PRKG1: variants seen among roughly 807,000 people sequenced by gnomAD.
PRKG1 encodes the protein protein kinase cGMP-dependent 1.
PRKG1 carries 35 observed loss-of-function variants against 88.1 expected under a neutral mutation model. The ratio of observed to expected loss-of-function variants is 0.40; its 90% confidence interval spans 0.30 to 0.53. The LOEUF (loss-of-function observed/expected upper bound fraction) is 0.53, where lower values mean the gene tolerates loss of function less well. Among genes scored for constraint, PRKG1 ranks in the 20% least tolerant of loss-of-function variants. The pLI is 0.59. For synonymous variants in PRKG1, 303 were observed against 292.5 expected, an observed-to-expected ratio of 1.04 and a Z score of -0.37; for missense variants, 540 against 839.8, an observed-to-expected ratio of 0.64 and a Z score of 4.41.
At chr10:51,685,084 A>G (rs980845196) in intron 3 of PRKG1, among the ~76,000 whole-genome samples, 4 of 152,194 alleles carry the variant, frequency 2.6e-5, no homozygotes, top group African/African-American at 4.8e-5. Context: ...CACATGTTCT[A>G]GACCTGTAAT....
At chr10:51,725,030 G>A (rs1312906422) in intron 3 of PRKG1, among the ~76,000 whole-genome samples, 1 of 151,896 alleles carries the variant, frequency 6.6e-6, no homozygotes, top group African/African-American at 2.4e-5. Context: ...TTTAATGACT[G>A]GAAAAAATCA....
chr10:52,015,105 CTG>C (rs1237933902), intron 5 of PRKG1, among the ~76,000 whole-genome samples: 6 of 152,206 alleles, frequency 3.9e-5, no homozygotes, highest in Non-Finnish European at 7.4e-5. Context: ...AATGGGGACT[CTG>C]TGTGGGGGCT....
intron 3 of PRKG1, among the ~76,000 whole-genome samples, chr10:51,510,945 G>T (rs1841383033): frequency 6.6e-6 from 1 of 151,076 alleles, no homozygotes; most frequent in Non-Finnish European, 1.5e-5. Flanking sequence ...TAGAGACGGG[G>T]TTTTTACTAT....
At chr10:51,474,260 C>G (rs1840132334) in intron 3 of PRKG1, among the ~76,000 whole-genome samples, 1 of 151,956 alleles carries the variant, frequency 6.6e-6, no homozygotes, top group South Asian at 2.1e-4. Flanking sequence ...TGCTATATTG[C>G]TCTACTATCA....
At chr10:52,165,344 A>C (rs966660764) in intron 9 of PRKG1, among the ~76,000 whole-genome samples, 1 of 152,114 alleles carries the variant, frequency 6.6e-6, no homozygotes, top group Non-Finnish European at 1.5e-5. Flanking sequence ...TTAAAACTCT[A>C]TTTGAATTAG....
intron 1 of PRKG1, among the ~76,000 whole-genome samples, chr10:51,035,163 T>A (rs1444642902): frequency 3.3e-5 from 5 of 152,276 alleles, no homozygotes; most frequent in African/African-American, 1.2e-4. Context: ...CCCTTATGGA[T>A]GAGCAATGCA....
At chr10:51,409,262 C>T (rs1838008147) in intron 2 of PRKG1, among the ~76,000 whole-genome samples, 1 of 152,170 alleles carries the variant, frequency 6.6e-6, no homozygotes, top group South Asian at 2.1e-4. Flanking sequence ...TCATAGGAAA[C>T]TCCCCATGAG....
chr10:51,690,938 A>G (rs1284913995), intron 3 of PRKG1, among the ~76,000 whole-genome samples: 19 of 150,104 alleles, frequency 1.3e-4, no homozygotes, highest in Admixed American at 6.6e-4. Context: ...AAAAAAAAAA[A>G]AAAAAAAAAA....
At chr10:51,369,955 CT>C (rs1842667222) in intron 2 of PRKG1, among the ~76,000 whole-genome samples, 3 of 152,122 alleles carry the variant, frequency 2.0e-5, no homozygotes, top group Non-Finnish European at 4.4e-5. Flanking sequence ...TTATTGTTTA[CT>C]TTTTTCTTTC....
At chr10:51,930,447 T>A (rs1842665079) in intron 5 of PRKG1, among the ~76,000 whole-genome samples, 1 of 152,016 alleles carries the variant, frequency 6.6e-6, no homozygotes, top group Non-Finnish European at 1.5e-5. Context: ...ATGCCTTCTA[T>A]TCTGTTGTAG....
intron 5 of PRKG1, among the ~76,000 whole-genome samples, chr10:51,953,770 A>G (rs1843240136): frequency 6.6e-6 from 1 of 152,050 alleles, no homozygotes; most frequent in Admixed American, 6.6e-5. Flanking sequence ...TAAGTGGTGT[A>G]GTACTTCTCA....
intron 3 of PRKG1, among the ~76,000 whole-genome samples, chr10:51,742,749 G>T (rs1379587270): frequency 6.6e-6 from 1 of 152,126 alleles, no homozygotes; most frequent in African/African-American, 2.4e-5. Flanking sequence ...GGGAGGTCAG[G>T]AGAAATTTGG....
chr10:51,830,441 C>A (rs546579090), intron 4 of PRKG1, among the ~76,000 whole-genome samples: 1 of 152,010 alleles, frequency 6.6e-6, no homozygotes, highest in Admixed American at 6.6e-5. Context: ...GTCATACATA[C>A]ACATTCACTA....
At chr10:51,905,152 C>T (rs775900935) in intron 4 of PRKG1, among the ~76,000 whole-genome samples, 5 of 152,164 alleles carry the variant, frequency 3.3e-5, no homozygotes, top group South Asian at 2.1e-4. Context: ...CTCATGGCAA[C>T]AGCTTCCTCT....
At chr10:51,081,340 GT>G (rs1161272948) in intron 1 of PRKG1, among the ~76,000 whole-genome samples, 1 of 152,230 alleles carries the variant, frequency 6.6e-6, no homozygotes. Context: ...TAGGCTTTGT[GT>G]GCAAGTAAAT....
At chr10:51,421,020 C>A (rs760025451) in intron 2 of PRKG1, among the ~76,000 whole-genome samples, 1 of 152,190 alleles carries the variant, frequency 6.6e-6, no homozygotes, top group Non-Finnish European at 1.5e-5. Flanking sequence ...CAGGCCCCAC[C>A]TCCAGCATTG....
intron 7 of PRKG1, among the ~76,000 whole-genome samples, chr10:52,104,931 G>T (rs1847379609): frequency 6.6e-6 from 1 of 152,018 alleles, no homozygotes; most frequent in Non-Finnish European, 1.5e-5. Context: ...AAGAATGCGG[G>T]GAAATAAACA....
At chr10:51,514,668 G>A (rs527433220) in intron 3 of PRKG1, among the ~76,000 whole-genome samples, 17 of 152,286 alleles carry the variant, frequency 1.1e-4, no homozygotes, top group Non-Finnish European at 2.2e-4. Context: ...GGCATGTACC[G>A]AAGTCAATAA....
At chr10:52,166,877 G>GTA (rs1491293628) in intron 9 of PRKG1, among the ~76,000 whole-genome samples, 2 of 18,172 alleles carry the variant, frequency 1.1e-4, no homozygotes, top group Admixed American at 1.2e-3. Context: ...ATATGTGTAT[G>GTA]TATACACACA....
Sources: gnomAD v4.1 joint callset for allele counts (sites outside exome capture counted in the v4.1 genomes callset) on GRCh38, gnomAD v4.1.1 for gene constraint, MANE v1.5 for transcripts, NCBI Gene and HGNC (gene_info 2026-07-23, HGNC 2026-07-21) for gene names.